The following UNC5C variants were observed in gnomAD, a reference collection of about 807,000 sequenced individuals.
UNC5C encodes unc-5 netrin receptor C.
Under a neutral mutation model 99.8 loss-of-function variants are expected in UNC5C, and 47 were observed. The ratio of observed to expected loss-of-function variants is 0.47; its 90% CI spans 0.37 to 0.60. The LOEUF (loss-of-function observed/expected upper bound fraction) is 0.60, where lower values mean the gene tolerates loss of function less well. Ranked by LOEUF, UNC5C falls within the 20% of genes least tolerant of loss-of-function variation. UNC5C has a pLI of 0.00. For missense variants in UNC5C, 1,062 were observed against 1,165.9 expected (o/e 0.91, Z 1.30); for synonymous variants, 487 against 452.2 (o/e 1.08, Z -0.98).
chr4:95,165,030 G>A lies in UNC5C; in HGVS notation c.*4204C>T, dbSNP rs1223295872. On this transcript the variant is annotated 3_prime_UTR_variant, in exon 16 of 16. Transcript: ENST00000453304. ...TTCTGCATACGTGGATTACAGAGGAGTAAGCAGACCAAGAGCACAGCTGCT... is the reference window on the plus strand; with the variant it reads ...TTCTGCATACGTGGATTACAGAGGAATAAGCAGACCAAGAGCACAGCTGCT... 1.3e-5 allele frequency: 2 copies of A among 152,250 alleles called. No individual in the cohort carries two copies. The highest frequency in any genetic ancestry group is 4.8e-5 in the African/African-American group (2 of 41,462). 9.4% of individuals were successfully genotyped at this position (152,250 alleles called of 1,614,324 possible). A position where few individuals can be genotyped will look rare whatever the true frequency, so the allele number is the denominator to read the frequency against.
chr4:95,539,722 T>C (rs1440991151), intron 1 of UNC5C, among the ~76,000 whole-genome samples: 2 of 152,104 alleles, frequency 1.3e-5, no homozygotes, highest in Admixed American at 1.3e-4. Context: ...ATTTGTCTTC[T>C]CCTTGTCATT....
intron 1 of UNC5C, among the ~76,000 whole-genome samples, chr4:95,461,115 T>G (rs2149470977): frequency 6.6e-6 from 1 of 152,356 alleles, no homozygotes; most frequent in South Asian, 2.1e-4. Context: ...GTTATTCTGC[T>G]TAGTTAAGTA....
At chr4:95,391,001 T>G (rs777905718) in intron 1 of UNC5C, among the ~76,000 whole-genome samples, 6 of 152,152 alleles carry the variant, frequency 3.9e-5, no homozygotes, top group African/African-American at 1.4e-4. Flanking sequence ...ATCATGAAGG[T>G]GGATTTTTCC....
intron 1 of UNC5C, among the ~76,000 whole-genome samples, chr4:95,377,892 C>T (rs142638581): frequency 2.3e-3 from 346 of 152,188 alleles, no homozygotes; most frequent in African/African-American, 7.9e-3. Context: ...TCCATATGTT[C>T]GCGGTATTCT....
chr4:95,331,392 A>T (rs1327928782), intron 2 of UNC5C, among the ~76,000 whole-genome samples: 2 of 152,228 alleles, frequency 1.3e-5, no homozygotes, highest in East Asian at 3.9e-4. Flanking sequence ...AGAAATCTCC[A>T]TACTGTTTTC....
At position 95,174,498 on chromosome 4, in the gene UNC5C, T is replaced by G. The variant is rs1356916489; in HGVS notation, c.2452-4166A>C. Among the ~76,000 whole-genome samples, 16 of 152,322 alleles carry G rather than the reference T, an allele frequency of 1.1e-4. No individual in the cohort carries two copies. In the South Asian group the frequency reaches 1.4e-3, roughly 14 times the overall value. On this transcript the variant is annotated intron_variant, in intron 14 of 15. Coordinates refer to ENST00000453304, the MANE Select transcript of UNC5C (RefSeq NM_003728.4). ...TTTATTTCTGCCTTCATTTTGTTAT[T>G]TACCCAGTAGTCATTCAGGAGCAGG...
At chr4:95,383,675 TGA>T in intron 1 of UNC5C, among the ~76,000 whole-genome samples, 1 of 152,312 alleles carries the variant, frequency 6.6e-6, no homozygotes, top group Admixed American at 6.5e-5. Flanking sequence ...TTATTCAATA[TGA>T]GAGAGTTGAG....
At chr4:95,501,999 A>G (rs1351988407) in intron 1 of UNC5C, among the ~76,000 whole-genome samples, 1 of 152,180 alleles carries the variant, frequency 6.6e-6, no homozygotes, top group African/African-American at 2.4e-5. Flanking sequence ...ATGTTGACAA[A>G]TCAGCCTCTG....
At position 95,245,904 on chromosome 4, in the gene UNC5C, T is replaced by C. The variant is rs1218768405; in HGVS notation, c.776-760A>G. ...TTCAATAATGTGAGTCTGTACAATA[T>C]TGTAATTAAACAATTTCTAACAAAA... On this transcript the variant is annotated intron_variant, in intron 5 of 15. Coordinates refer to ENST00000453304, the MANE Select transcript of UNC5C (RefSeq NM_003728.4). 3.3e-5 allele frequency among the ~76,000 whole-genome samples: 5 copies of C among 152,204 alleles called. No homozygotes were observed. In the East Asian group the frequency reaches 9.6e-4, roughly 29 times the overall value.
chr4:95,532,690 G>T (rs993212747), intron 1 of UNC5C, among the ~76,000 whole-genome samples: 1 of 152,092 alleles, frequency 6.6e-6, no homozygotes, highest in African/African-American at 2.4e-5. Flanking sequence ...AAGAGCTTAA[G>T]CGAAAGCTGA....
chr4:95,442,949 A>G (rs1578166250), intron 1 of UNC5C, among the ~76,000 whole-genome samples: 1 of 152,260 alleles, frequency 6.6e-6, no homozygotes, highest in Non-Finnish European at 1.5e-5. Context: ...TTTGGAGGAC[A>G]TGATAATGAA....
At chr4:95,285,730 T>C (rs1741207650) in intron 3 of UNC5C, among the ~76,000 whole-genome samples, 1 of 152,222 alleles carries the variant, frequency 6.6e-6, no homozygotes, top group Admixed American at 6.5e-5. Flanking sequence ...AGTGTGAAAC[T>C]GAATGAACAG....
At chr4:95,245,231 A>G in intron 5 of UNC5C, 87 bp from the exon 6 acceptor site, 2 of 1,364,174 alleles carry the variant, frequency 1.5e-6, no homozygotes, top group Non-Finnish European at 1.9e-6. Context: ...CAATATGTAA[A>G]CAAAGAGTTA....
chr4:95,231,377 CAT>C (rs1560744197), intron 7 of UNC5C, among the ~76,000 whole-genome samples: 1 of 152,108 alleles, frequency 6.6e-6, no homozygotes, highest in Non-Finnish European at 1.5e-5. Flanking sequence ...GCAAGTTATG[CAT>C]ATGACATAAT....
chr4:95,409,257 CTTTG>C (rs1467101464), intron 1 of UNC5C, among the ~76,000 whole-genome samples: 2 of 152,058 alleles, frequency 1.3e-5, no homozygotes, highest in Admixed American at 6.6e-5. Flanking sequence ...CTTCTTTGCT[CTTTG>C]TTTATCTTTA....
intron 1 of UNC5C, among the ~76,000 whole-genome samples, chr4:95,535,113 T>C (rs1245672876): frequency 6.6e-6 from 1 of 152,130 alleles, no homozygotes; most frequent in East Asian, 1.9e-4. Flanking sequence ...AGAAATATAT[T>C]CTAGATTCAG....
At chr4:95,451,924 C>T (rs769576006) in intron 1 of UNC5C, among the ~76,000 whole-genome samples, 3 of 151,972 alleles carry the variant, frequency 2.0e-5, no homozygotes, top group Admixed American at 6.6e-5. Flanking sequence ...TCAACATGAC[C>T]GTGATAGCTC....
intron 12 of UNC5C, among the ~76,000 whole-genome samples, 153 bp from the exon 13 acceptor site, chr4:95,185,349 T>C (rs931109453): frequency 2.0e-5 from 3 of 152,136 alleles, no homozygotes; most frequent in Admixed American, 1.3e-4. Context: ...CGAGACCCTC[T>C]AACTAAACTA....
At position 95,298,682 on chromosome 4, in the gene UNC5C, C is replaced by T. The variant is rs528128901; in HGVS notation, c.490+2924G>A. Among the ~76,000 whole-genome samples, 17 of 152,240 alleles carry T rather than the reference C, an allele frequency of 1.1e-4. 1 individual carries two copies. The South Asian group carries it at 3.1e-3, about 28-fold the overall frequency. ...GTGGCACTTACCATCTGCTCTAGAC[C>T]TGATGATCATTCATTTTATTTAGAG... is the stretch of plus-strand genomic sequence containing the variant. On this transcript the variant is annotated intron_variant, in intron 3 of 15. Coordinates refer to ENST00000453304, the MANE Select transcript of UNC5C (RefSeq NM_003728.4).
Sources: gnomAD v4.1 joint callset for allele counts (sites outside exome capture counted in the v4.1 genomes callset) on GRCh38, gnomAD v4.1.1 for gene constraint, MANE v1.5 for transcripts, NCBI Gene and HGNC (gene_info 2026-07-23, HGNC 2026-07-21) for gene names.